PDE1C: variants seen among roughly 807,000 people sequenced by gnomAD.
PDE1C encodes the protein phosphodiesterase 1C, also known as dual specificity calcium/calmodulin-dependent 3',5'-cyclic nucleotide phosphodiesterase 1C.
PDE1C carries 62 observed loss-of-function variants against 93.1 expected under a neutral mutation model. The observed-to-expected ratio is 0.67, with a 90% CI of 0.54 to 0.82. The LOEUF is 0.82. Among genes scored for constraint, PDE1C ranks in the 40% least tolerant of loss-of-function variants. The pLI is 0.00. For synonymous variants in PDE1C, 325 were observed against 310.1 expected, an observed-to-expected ratio of 1.05 and a Z score of -0.50; for missense variants, 742 against 884.6, an observed-to-expected ratio of 0.84 and a Z score of 2.04.
At chr7:31,697,204 T>C in the PDE1C span, 5 of 1,506,798 alleles carry the variant, frequency 3.3e-6, no homozygotes, top group African/African-American at 1.4e-5. Flanking sequence ...GGCCTGGCCG[T>C]TGTCCTGCCC....
intron 1 of PDE1C, among the ~76,000 whole-genome samples, chr7:32,311,996 C>G (rs1244649287): frequency 6.7e-6 from 1 of 149,750 alleles, no homozygotes; most frequent in Non-Finnish European, 1.5e-5. Flanking sequence ...GATTGTATAT[C>G]TAGAAAACCC....
the PDE1C span, chr7:31,697,250 A>T: frequency 9.0e-7 from 1 of 1,107,950 alleles, no homozygotes; most frequent in South Asian, 1.7e-5. Context: ...CTCTGGGGAG[A>T]AGCCACACTC....
chr7:32,312,844 G>A (rs1783080622), intron 1 of PDE1C, among the ~76,000 whole-genome samples: 1 of 152,096 alleles, frequency 6.6e-6, no homozygotes. Context: ...ATAGGCATAG[G>A]CAAGGACTTC....
intron 1 of PDE1C, among the ~76,000 whole-genome samples, chr7:32,260,764 C>T (rs112545952): frequency 2.0e-5 from 3 of 149,674 alleles, no homozygotes; most frequent in Non-Finnish European, 3.0e-5. Context: ...AGCCCTTTCC[C>T]GAAAAGACCC....
At chr7:32,298,923 G>A in exon 1 of PDE1C, 4 of 1,347,074 alleles carry the variant, frequency 3.0e-6, no homozygotes, top group African/African-American at 1.6e-5. Flanking sequence ...AATGTCAACA[G>A]CTAAAGCGCT....
intron 17 of PDE1C, among the ~76,000 whole-genome samples, chr7:31,762,343 C>G: frequency 6.6e-6 from 1 of 152,076 alleles, no homozygotes; most frequent in African/African-American, 2.4e-5. Flanking sequence ...CCATTATCTA[C>G]ATTTTTTATT....
intron 16 of PDE1C, among the ~76,000 whole-genome samples, chr7:31,807,822 T>C (rs767312408): frequency 8.6e-5 from 13 of 151,912 alleles, no homozygotes; most frequent in Non-Finnish European, 1.5e-4. Context: ...GCTCAGAGAC[T>C]GTCATTCTAA....
At chr7:32,103,925 G>T (rs1473290229) in intron 3 of PDE1C, among the ~76,000 whole-genome samples, 1 of 151,908 alleles carries the variant, frequency 6.6e-6, no homozygotes, top group Admixed American at 6.6e-5. Flanking sequence ...TACATTAGAA[G>T]AAATAAAAAG....
At chr7:32,255,401 C>G (rs530966456) in intron 1 of PDE1C, among the ~76,000 whole-genome samples, 2 of 152,308 alleles carry the variant, frequency 1.3e-5, no homozygotes, top group Admixed American at 6.5e-5. Context: ...AACTTTTTAA[C>G]TTGAGAGCGC....
At chr7:32,289,915 G>A (rs1016720715) in intron 1 of PDE1C, among the ~76,000 whole-genome samples, 1 of 152,212 alleles carries the variant, frequency 6.6e-6, no homozygotes, top group Non-Finnish European at 1.5e-5. Flanking sequence ...ATCAATTCCT[G>A]CAATGTGGTT....
chr7:31,807,582 T>C (rs188488769), intron 16 of PDE1C, among the ~76,000 whole-genome samples: 2 of 152,092 alleles, frequency 1.3e-5, no homozygotes, highest in East Asian at 3.9e-4. Flanking sequence ...CAAAATGGCA[T>C]ACGAAAAATT....
At chr7:31,796,233 C>T (rs1047093301) in intron 16 of PDE1C, among the ~76,000 whole-genome samples, 1 of 150,332 alleles carries the variant, frequency 6.7e-6, no homozygotes, top group Non-Finnish European at 1.5e-5. Context: ...GTCATATATG[C>T]ATCATATATC....
At chr7:31,907,877 A>T (rs1300937453) in intron 2 of PDE1C, among the ~76,000 whole-genome samples, 1 of 152,144 alleles carries the variant, frequency 6.6e-6, no homozygotes, top group Admixed American at 6.6e-5. Context: ...AAAATTACTC[A>T]TTCAAGTCAA....
intron 2 of PDE1C, among the ~76,000 whole-genome samples, chr7:32,183,237 A>G (rs1348740311): frequency 6.6e-6 from 1 of 152,214 alleles, no homozygotes; most frequent in Admixed American, 6.5e-5. Flanking sequence ...AAGGTAATTT[A>G]TAGATTCAAT....
At chr7:31,905,279 TTAAG>T (rs1800455637) in intron 2 of PDE1C, among the ~76,000 whole-genome samples, 1 of 152,156 alleles carries the variant, frequency 6.6e-6, no homozygotes, top group Admixed American at 6.6e-5. Context: ...TATAGATTAT[TTAAG>T]TATCATCACT....
chr7:32,280,883 C>A (rs1811586300), intron 1 of PDE1C, among the ~76,000 whole-genome samples: 1 of 152,010 alleles, frequency 6.6e-6, no homozygotes, highest in East Asian at 1.9e-4. Context: ...TACTTGGGAG[C>A]CTGAGGCAAG....
the PDE1C span, among the ~76,000 whole-genome samples, chr7:31,698,071 C>G: frequency 6.6e-6 from 1 of 152,174 alleles, no homozygotes; most frequent in African/African-American, 2.4e-5. Flanking sequence ...TCTATCTCAC[C>G]TTTGGGCAGT....
intron 1 of PDE1C, among the ~76,000 whole-genome samples, chr7:32,405,853 T>C (rs183349): frequency 0.85 from 129,470 of 152,156 alleles, 57,382 homozygotes; most frequent in East Asian, 0.99. Context: ...GAAGAGTTTT[T>C]GCAGGATATG....
chr7:31,724,207 T>C, the PDE1C span, among the ~76,000 whole-genome samples: 1 of 152,114 alleles, frequency 6.6e-6, no homozygotes, highest in Non-Finnish European at 1.5e-5. Context: ...AAGTGAGGTG[T>C]CTATGGTGCA....
Sources: allele counts gnomAD v4.1 joint callset (sites outside exome capture counted in the v4.1 genomes callset), GRCh38; gene constraint gnomAD v4.1.1; transcripts MANE v1.5; gene names NCBI Gene and HGNC (gene_info 2026-07-23, HGNC 2026-07-21).